The following DYNC1I1 variants were observed in gnomAD, a reference collection of about 807,000 sequenced individuals.
DYNC1I1 encodes the protein dynein cytoplasmic 1 intermediate chain 1, also known as cytoplasmic dynein 1 intermediate chain 1.
A neutral mutation model predicts 86.6 loss-of-function variants in DYNC1I1; 43 were observed. The ratio of observed to expected loss-of-function variants is 0.50; its 90% CI spans 0.39 to 0.64. DYNC1I1 has a LOEUF of 0.64. Among genes scored for constraint, DYNC1I1 ranks in the 30% least tolerant of loss-of-function variants. The pLI, the probability that DYNC1I1 is intolerant of heterozygous loss-of-function variation, is 0.00. For missense variants in DYNC1I1, 604 were observed against 788.8 expected, an observed-to-expected ratio of 0.77 and a Z score of 2.81; for synonymous variants, 262 against 283.7, an observed-to-expected ratio of 0.92 and a Z score of 0.77.
chr7:95,973,608 C>T (rs1793230461), intron 6 of DYNC1I1, among the ~76,000 whole-genome samples: 2 of 152,134 alleles, frequency 1.3e-5, no homozygotes, highest in African/African-American at 2.4e-5. Context: ...CCTGCTATTT[C>T]CTCACATGCT....
chr7:96,085,838 G>A (rs770603009), intron 16 of DYNC1I1, among the ~76,000 whole-genome samples: 7 of 152,194 alleles, frequency 4.6e-5, no homozygotes, highest in Non-Finnish European at 1.0e-4. Flanking sequence ...GTTTTGGATT[G>A]TAGGAAGGAT....
chr7:95,785,285 G>A (rs561686242), intron 1 of DYNC1I1, among the ~76,000 whole-genome samples: 5 of 152,036 alleles, frequency 3.3e-5, no homozygotes, highest in Non-Finnish European at 7.4e-5. Flanking sequence ...ATGGTGGTGC[G>A]CATCTGTGGT....
At chr7:96,002,837 T>C (rs1794046389) in intron 10 of DYNC1I1, among the ~76,000 whole-genome samples, 1 of 151,480 alleles carries the variant, frequency 6.6e-6, no homozygotes, top group Non-Finnish European at 1.5e-5. Context: ...GGGTTTTTTT[T>C]GTGTTTTTTT....
intron 10 of DYNC1I1, among the ~76,000 whole-genome samples, chr7:96,020,615 A>G (rs1437447013): frequency 6.6e-6 from 1 of 152,150 alleles, no homozygotes; most frequent in Admixed American, 6.6e-5. Flanking sequence ...CAAAAAATCA[A>G]AAATAGAACT....
At chr7:95,883,737 T>C (rs76664297) in intron 6 of DYNC1I1, among the ~76,000 whole-genome samples, 3,802 of 152,256 alleles carry the variant, frequency 0.025, 132 homozygotes, top group African/African-American at 0.078. Context: ...AGAAAAGATA[T>C]ATGGATACCA....
intron 16 of DYNC1I1, among the ~76,000 whole-genome samples, chr7:96,082,141 ATTT>A (rs1317756938): frequency 6.6e-6 from 1 of 152,270 alleles, no homozygotes. Flanking sequence ...TTACAGCAGT[ATTT>A]TTCTTAAATG....
chr7:95,937,555 T>C (rs1213768688), intron 6 of DYNC1I1, among the ~76,000 whole-genome samples: 2 of 151,282 alleles, frequency 1.3e-5, no homozygotes, highest in Non-Finnish European at 2.9e-5. Flanking sequence ...GCTATAGATA[T>C]ATGCATGTAG....
intron 6 of DYNC1I1, among the ~76,000 whole-genome samples, chr7:95,951,937 A>G (rs4729228): frequency 0.063 from 9,627 of 152,142 alleles, 773 homozygotes; most frequent in East Asian, 0.34. Context: ...ATTCCTTTTA[A>G]TCTCTATCGG....
intron 10 of DYNC1I1, among the ~76,000 whole-genome samples, chr7:96,011,351 A>G (rs2237588): frequency 6.6e-6 from 1 of 152,290 alleles, no homozygotes; most frequent in East Asian, 1.9e-4. Context: ...TAAGGAAAAA[A>G]ATAAGTTAAA....
At chr7:95,854,094 C>G (rs2116083399) in intron 5 of DYNC1I1, among the ~76,000 whole-genome samples, 1 of 152,184 alleles carries the variant, frequency 6.6e-6, no homozygotes, top group Middle Eastern at 3.4e-3. Context: ...TCCATTCAGC[C>G]ACTTATGTCT....
chr7:95,909,094 T>G (rs1791252447), intron 6 of DYNC1I1, among the ~76,000 whole-genome samples: 2 of 146,454 alleles, frequency 1.4e-5, no homozygotes, highest in African/African-American at 2.5e-5. Flanking sequence ...AAGAGAGACT[T>G]GGGATAAAGA....
At chr7:95,813,682 T>A in intron 4 of DYNC1I1, among the ~76,000 whole-genome samples, 1 of 152,170 alleles carries the variant, frequency 6.6e-6, no homozygotes, top group East Asian at 1.9e-4. Context: ...CTTCTTATTA[T>A]CCTACTTTGG....
chr7:96,081,037 T>A (rs1790502801), intron 16 of DYNC1I1, among the ~76,000 whole-genome samples: 1 of 141,010 alleles, frequency 7.1e-6, no homozygotes, highest in Non-Finnish European at 1.5e-5. Context: ...ACCACTGCAC[T>A]CCAACCTGGG....
At chr7:96,037,323 T>C (rs562441889) in intron 13 of DYNC1I1, among the ~76,000 whole-genome samples, 1 of 152,338 alleles carries the variant, frequency 6.6e-6, no homozygotes, top group East Asian at 1.9e-4. Flanking sequence ...AATATATTTG[T>C]TGTATGCCTA....
chr7:95,817,026 C>A (rs1794962174), intron 4 of DYNC1I1, among the ~76,000 whole-genome samples: 1 of 151,926 alleles, frequency 6.6e-6, no homozygotes. Context: ...GTCTCTCATC[C>A]TCAGAAAGTG....
At chr7:95,949,985 T>C (rs961442412) in intron 6 of DYNC1I1, among the ~76,000 whole-genome samples, 7 of 148,446 alleles carry the variant, frequency 4.7e-5, no homozygotes, top group South Asian at 2.2e-4. Context: ...TTTTTTTTTT[T>C]CTTGCAGTAA....
chr7:95,918,185 G>A (rs1201277960), intron 6 of DYNC1I1, among the ~76,000 whole-genome samples: 2 of 152,172 alleles, frequency 1.3e-5, no homozygotes, highest in African/African-American at 4.8e-5. Context: ...TTACTCTTCT[G>A]TTGCACAGGA....
At chr7:96,011,612 G>T (rs1584249205) in intron 10 of DYNC1I1, among the ~76,000 whole-genome samples, 1 of 152,158 alleles carries the variant, frequency 6.6e-6, no homozygotes, top group Non-Finnish European at 1.5e-5. Flanking sequence ...CCATCAATAA[G>T]TAAATCTGTG....
At chr7:95,862,028 C>T (rs188741886) in intron 5 of DYNC1I1, among the ~76,000 whole-genome samples, 3 of 152,254 alleles carry the variant, frequency 2.0e-5, no homozygotes, top group Admixed American at 6.5e-5. Flanking sequence ...CCCTACCTCA[C>T]ATTATATACA....
Sources: allele counts gnomAD v4.1 joint callset (sites outside exome capture counted in the v4.1 genomes callset), GRCh38; gene constraint gnomAD v4.1.1; transcripts MANE v1.5; gene names NCBI Gene and HGNC (gene_info 2026-07-23, HGNC 2026-07-21).